The following ELP1 variants were observed in gnomAD, a reference collection of about 807,000 sequenced individuals.
The protein encoded by ELP1 is elongator complex protein 1.
ELP1 carries 131 observed loss-of-function variants against 183.2 expected under a neutral mutation model. The ratio of observed to expected loss-of-function variants is 0.72; its 90% CI spans 0.62 to 0.83. The LOEUF (loss-of-function observed/expected upper bound fraction) is 0.83, where lower values mean the gene tolerates loss of function less well. Ranked by LOEUF, ELP1 falls within the 40% of genes least tolerant of loss-of-function variation. The probability of loss-of-function intolerance (pLI) is 0.00; values close to 1 mark genes in which losing one functional copy is unlikely to be tolerated. For synonymous variants in ELP1, 555 were observed against 569.0 expected (o/e 0.98, Z 0.35); for missense variants, 1,550 against 1,594.9 (o/e 0.97, Z 0.48).
chr9:108,919,985 G>A (rs1447787847), intron 6 of ELP1, among the ~76,000 whole-genome samples: 4 of 152,126 alleles, frequency 2.6e-5, no homozygotes, highest in Admixed American at 1.3e-4. Context: ...TGCTAGTACT[G>A]TACTGTAGTC....
chr9:108,926,661 A>C (rs1318431313), intron 4 of ELP1, 58 bp from the exon 5 acceptor site: 1 of 1,278,990 alleles, frequency 7.8e-7, no homozygotes, highest in East Asian at 2.4e-5. Context: ...TGCCATTCCT[A>C]AGTACCTATG....
At chr9:108,891,505 A>G (rs1208280286) in intron 27 of ELP1, 101 bp from the exon 28 acceptor site, 1 of 1,060,984 alleles carries the variant, frequency 9.4e-7, no homozygotes, top group African/African-American at 1.6e-5. Context: ...AACTCCCTTG[A>G]AAGAATTACC....
intron 6 of ELP1, among the ~76,000 whole-genome samples, chr9:108,921,371 A>C (rs895390047): frequency 2.0e-5 from 3 of 151,916 alleles, no homozygotes; most frequent in East Asian, 1.9e-4. Context: ...GTGATCTTTT[A>C]TGACTGGCTT....
chr9:108,914,412 AAGG>A (rs1418344014), intron 10 of ELP1, among the ~76,000 whole-genome samples: 12 of 113,756 alleles, frequency 1.1e-4, no homozygotes, highest in East Asian at 3.1e-4. Flanking sequence ...AAAAAAAAAA[AAGG>A]GGGGGGGGGT....
chr9:108,918,388 T>C (rs963985151), intron 8 of ELP1, among the ~76,000 whole-genome samples: 19 of 152,082 alleles, frequency 1.2e-4, no homozygotes, highest in Admixed American at 1.3e-4. Context: ...TCCTCTGCTG[T>C]AGGAATTTTG....
At chr9:108,900,958 C>T (rs978950502) in intron 18 of ELP1, among the ~76,000 whole-genome samples, 52 of 146,254 alleles carry the variant, frequency 3.6e-4, no homozygotes, top group Non-Finnish European at 5.1e-4. Context: ...CACACATACA[C>T]GCCACACACA....
intron 25 of ELP1, 108 bp downstream of exon 25, chr9:108,896,388 C>T: frequency 1.0e-6 from 1 of 982,256 alleles, no homozygotes; most frequent in Non-Finnish European, 1.6e-6. Context: ...TCCAGCCCTG[C>T]ACTCACAGAG....
intron 12 of ELP1, among the ~76,000 whole-genome samples, chr9:108,909,787 A>G (rs1361540582): frequency 6.6e-6 from 1 of 152,154 alleles, no homozygotes; most frequent in Non-Finnish European, 1.5e-5. Context: ...CAATCTTTCA[A>G]AAGTGGAGCT....
chr9:108,898,879 G>A, intron 20 of ELP1, 130 bp from the exon 21 acceptor site: 1 of 673,552 alleles, frequency 1.5e-6, no homozygotes, highest in East Asian at 2.6e-5. Flanking sequence ...TGCTATCACT[G>A]GATTTCTACT....
chr9:108,878,814 C>T, intron 33 of ELP1, 64 bp from the exon 34 acceptor site: 3 of 1,565,592 alleles, frequency 1.9e-6, no homozygotes, highest in South Asian at 1.1e-5. Flanking sequence ...GCATGTGCTA[C>T]CTTGCCTGGC....
intron 35 of ELP1, chr9:108,875,807 G>A (rs530662207): frequency 1.3e-4 from 43 of 340,918 alleles, no homozygotes; most frequent in South Asian, 6.3e-4. Context: ...AGGAGACTGC[G>A]GTGGGAGGAC....
intron 4 of ELP1, 95 bp downstream of exon 4, chr9:108,927,277 T>G: frequency 1.0e-6 from 1 of 970,384 alleles, no homozygotes; most frequent in Non-Finnish European, 1.7e-6. Flanking sequence ...TCAAAGAAAT[T>G]TTTTGAAATT....
chr9:108,923,682 T>C (rs56248499), intron 5 of ELP1, among the ~76,000 whole-genome samples: 4,248 of 152,274 alleles, frequency 0.028, 192 homozygotes, highest in African/African-American at 0.098. Context: ...ACTTAGAGAT[T>C]GAGACCCTCC....
rs367693822 is a variant in ELP1 at position 108,898,480 on chromosome 9, A to G, written c.2363+22T>C. 2.9e-4 allele frequency: 400 copies of G among 1,358,704 alleles called. 3 individuals carry two copies. In the South Asian group the frequency reaches 4.5e-3, roughly 15 times the overall value. 84.2% of individuals were successfully genotyped at this position (1,358,704 alleles called of 1,614,324 possible). The stretch of plus-strand genomic sequence containing the variant: ...AGAGAAAACTATGGAAAAGATACAC[A>G]TGAATTATTCAAAATACTTACTTCA... On this transcript the variant is annotated intron_variant, in intron 22 of 36. Coordinates refer to ENST00000374647, the MANE Select transcript of ELP1 (RefSeq NM_003640.5).
chr9:108,923,037 C>T (rs1323929191), intron 5 of ELP1, 110 bp from the exon 6 acceptor site: 15 of 819,518 alleles, frequency 1.8e-5, no homozygotes, highest in East Asian at 2.4e-5. Flanking sequence ...GGTCCTCTAA[C>T]GCCTCTCAAT....
At chr9:108,883,439 T>A (rs1195350774) in intron 29 of ELP1, among the ~76,000 whole-genome samples, 1 of 152,282 alleles carries the variant, frequency 6.6e-6, no homozygotes, top group East Asian at 1.9e-4. Context: ...AGTGCTGGAA[T>A]CACAGGCATG....
At chr9:108,925,919 C>T (rs1252928668) in intron 5 of ELP1, among the ~76,000 whole-genome samples, 1 of 152,196 alleles carries the variant, frequency 6.6e-6, no homozygotes, top group South Asian at 2.1e-4. Flanking sequence ...AATGATTTCT[C>T]AGAGTTGATG....
chr9:108,914,974 G>C (rs543849723), intron 10 of ELP1, among the ~76,000 whole-genome samples: 4 of 152,202 alleles, frequency 2.6e-5, no homozygotes, highest in Non-Finnish European at 4.4e-5. Flanking sequence ...GCTATACTGA[G>C]ATATATACAT....
chr9:108,885,594 T>C (rs570684930), intron 29 of ELP1, among the ~76,000 whole-genome samples: 3 of 152,134 alleles, frequency 2.0e-5, no homozygotes, highest in African/African-American at 7.2e-5. Flanking sequence ...AAGAAAAAAA[T>C]ATCTCCCAAG....
Sources: gnomAD v4.1 joint callset for allele counts (sites outside exome capture counted in the v4.1 genomes callset) on GRCh38, gnomAD v4.1.1 for gene constraint, MANE v1.5 for transcripts, NCBI Gene and HGNC (gene_info 2026-07-23, HGNC 2026-07-21) for gene names.